Variants in KIF13B observed in about 807,000 individuals in gnomAD.
The protein encoded by KIF13B is kinesin-like protein KIF13B.
In KIF13B, 127 loss-of-function variants were observed where a neutral mutation model predicts 222.0. That is an observed-to-expected ratio of 0.57 (90% CI 0.50 to 0.66). The LOEUF (loss-of-function observed/expected upper bound fraction) is 0.66, where lower values mean the gene tolerates loss of function less well. Ranked by LOEUF, KIF13B falls within the 30% of genes least tolerant of loss-of-function variation. KIF13B has a pLI of 0.00. For synonymous variants in KIF13B, 976 were observed against 919.0 expected, an observed-to-expected ratio of 1.06 and a Z score of -1.12; for missense variants, 2,173 against 2,379.0, an observed-to-expected ratio of 0.91 and a Z score of 1.80.
In KIF13B at chr8:29,117,017, A is replaced by C. The variant is rs781506974; in HGVS notation, c.3661-10T>G. On this transcript the variant is annotated splice_polypyrimidine_tract_variant and intron_variant, in intron 30 of 39. Coordinates refer to ENST00000524189, the MANE Select transcript of KIF13B (RefSeq NM_015254.4). ...AGGCTTCTGCTTTCACCTGGAGAGAAGACAGAGAGGAAACAGGTTTCTCTC... is the reference window on the plus strand; with the variant it reads ...AGGCTTCTGCTTTCACCTGGAGAGACGACAGAGAGGAAACAGGTTTCTCTC... The C allele has an allele frequency of 2.6e-6, 4 of 1,548,414 alleles. No homozygotes were observed. The highest frequency in any genetic ancestry group is 3.5e-6 in the Non-Finnish European group (4 of 1,141,286).
intron 1 of KIF13B, among the ~76,000 whole-genome samples, chr8:29,261,721 G>A (rs775941820): frequency 1.3e-5 from 2 of 152,154 alleles, no homozygotes; most frequent in Non-Finnish European, 2.9e-5. Context: ...AGAACTTAAA[G>A]TAATTAAGTT....
Position 29,098,848 on chromosome 8 carries a change from T to C in KIF13B, c.4324+285A>G, listed in dbSNP as rs557715691. Among the ~76,000 whole-genome samples, 68 of 152,032 alleles carry C rather than the reference T, an allele frequency of 4.5e-4. 2 individuals carry two copies. The highest frequency in any genetic ancestry group is 1.4e-3 in the African/African-American group (60 of 41,440). On this transcript the variant is annotated intron_variant, in intron 36 of 39. Coordinates refer to ENST00000524189, the MANE Select transcript of KIF13B (RefSeq NM_015254.4). ...AGATGAGAAGATAAAACATTACAGATATTTACTATAGAGCACATACACAAA... is the reference window on the plus strand; with the variant it reads ...AGATGAGAAGATAAAACATTACAGACATTTACTATAGAGCACATACACAAA...
chr8:29,161,094 A>G lies in KIF13B; in HGVS notation c.1270-227T>C, dbSNP rs117575183. 5.7e-3 allele frequency among the ~76,000 whole-genome samples: 871 copies of G among 152,268 alleles called. 9 individuals carry two copies. The highest frequency in any genetic ancestry group is 0.01 in the Middle Eastern group (3 of 294). ...ATAAAGTCTATTACATATAGTAACT[A>G]ATTGTACTAGTGATTCTCAGTTTTC... On this transcript the variant is annotated intron_variant, in intron 12 of 39. Transcript: ENST00000524189.
intron 30 of KIF13B, 102 bp from the exon 31 acceptor site, chr8:29,117,109 G>T: frequency 9.9e-7 from 1 of 1,015,144 alleles, no homozygotes; most frequent in Non-Finnish European, 1.4e-6. Flanking sequence ...GCACATGCCA[G>T]TCACCAGCAA....
chr8:29,208,722 T>C (rs977480943), intron 2 of KIF13B, among the ~76,000 whole-genome samples: 1 of 152,154 alleles, frequency 6.6e-6, no homozygotes, highest in East Asian at 1.9e-4. Context: ...GGGACCTTGG[T>C]CAGTGACTCT....
intron 2 of KIF13B, among the ~76,000 whole-genome samples, chr8:29,208,458 G>C (rs140593093): frequency 1.2e-3 from 190 of 152,298 alleles, no homozygotes; most frequent in Non-Finnish European, 1.9e-3. Context: ...GTGGGTCTGT[G>C]AATCCATGCT....
intron 1 of KIF13B, among the ~76,000 whole-genome samples, chr8:29,262,146 A>G (rs1425307141): frequency 6.6e-6 from 1 of 152,134 alleles, no homozygotes; most frequent in Non-Finnish European, 1.5e-5. Flanking sequence ...TGCTTTGACT[A>G]TCAAAGCCAA....
chr8:29,226,364 A>AC (rs1422254017), intron 2 of KIF13B, among the ~76,000 whole-genome samples: 1 of 152,210 alleles, frequency 6.6e-6, no homozygotes, highest in Non-Finnish European at 1.5e-5. Flanking sequence ...CTAACTCACC[A>AC]CCTGCATTAA....
At chr8:29,155,654 C>A in intron 14 of KIF13B, 72 bp downstream of exon 14, 1 of 1,344,708 alleles carries the variant, frequency 7.4e-7, no homozygotes, top group East Asian at 2.4e-5. Flanking sequence ...CAACAAAGGC[C>A]ACTGTTGCCA....
intron 2 of KIF13B, among the ~76,000 whole-genome samples, chr8:29,241,214 AT>A (rs1815763504): frequency 6.6e-6 from 1 of 152,226 alleles, no homozygotes; most frequent in African/African-American, 2.4e-5. Context: ...GTATGATTTC[AT>A]TTATAGGAAA....
In KIF13B at chr8:29,130,631, C is replaced by G; in HGVS notation, c.2977G>C (p.Val993Leu). Reference protein sequence around the residue: ...SEVTRKLEFWVQILEQNENGE... With the variant: ...SEVTRKLEFWLQILEQNENGE... ...TTCTCATTCTGTTCCAAGATTTGAA[C>G]CCAGAATTCCAATTTCCTGGTCACT... The change falls in exon 24 of 40, where the codon GTT (valine) becomes CTT (leucine). Residue 993 changes from valine to leucine, a missense_variant. Around this residue, in one of 2 missense-constraint regions of KIF13B, gnomAD observed 1,480 missense variants for 1,722.8 expected, o/e 0.86. Coordinates refer to ENST00000524189, the MANE Select transcript of KIF13B (RefSeq NM_015254.4). 6.2e-7 allele frequency: 1 copy of G among 1,613,744 alleles called. No individual in the cohort carries two copies. Among genetic ancestry groups the G allele is most frequent in the East Asian group, 2.2e-5 (1 of 44,868 alleles).
At chr8:29,126,332 A>C (rs1250272041) in intron 26 of KIF13B, 150 bp downstream of exon 26, 12 of 604,500 alleles carry the variant, frequency 2.0e-5, no homozygotes, top group Non-Finnish European at 3.6e-5. Flanking sequence ...AACAACACTC[A>C]ATGTTCCCTA....
At chr8:29,238,202 C>G (rs1036016436) in intron 2 of KIF13B, among the ~76,000 whole-genome samples, 1 of 152,198 alleles carries the variant, frequency 6.6e-6, no homozygotes, top group African/African-American at 2.4e-5. Context: ...AAGTCATTAT[C>G]TAATATGACC....
At chr8:29,154,898 A>C (rs1408376776) in intron 14 of KIF13B, among the ~76,000 whole-genome samples, 2 of 152,216 alleles carry the variant, frequency 1.3e-5, no homozygotes, top group Non-Finnish European at 2.9e-5. Context: ...TATGGATAAA[A>C]TCAGTGATAT....
intron 28 of KIF13B, among the ~76,000 whole-genome samples, 194 bp downstream of exon 28, chr8:29,123,172 C>T (rs1369666784): frequency 2.0e-5 from 3 of 152,174 alleles, no homozygotes; most frequent in African/African-American, 7.2e-5. Flanking sequence ...CCAATAACAA[C>T]ATTATTTAAT....
At chr8:29,174,882 A>T (rs991079036) in intron 10 of KIF13B, among the ~76,000 whole-genome samples, 2 of 152,304 alleles carry the variant, frequency 1.3e-5, no homozygotes, top group Non-Finnish European at 2.9e-5. Flanking sequence ...AACTCTTGAG[A>T]GGAGGAGGAA....
chr8:29,190,864 A>G, intron 4 of KIF13B, 133 bp downstream of exon 4: 1 of 779,804 alleles, frequency 1.3e-6, no homozygotes, highest in South Asian at 1.4e-5. Context: ...TTCTGTGTTG[A>G]TGACTGTTAT....
At chr8:29,262,955 C>T (rs1363623227) in intron 1 of KIF13B, 25 bp downstream of exon 1, 2 of 1,551,282 alleles carry the variant, frequency 1.3e-6, no homozygotes, top group Middle Eastern at 1.7e-4. Context: ...TCCGCCCCGG[C>T]GGCCCAGGAG....
intron 19 of KIF13B, among the ~76,000 whole-genome samples, chr8:29,140,956 A>AAAAAAAG: frequency 6.6e-6 from 1 of 152,324 alleles, no homozygotes; most frequent in East Asian, 1.9e-4. Flanking sequence ...AAAGAAGTAG[A>AAAAAAAG]GTGTGCTAAA....
Sources: allele counts gnomAD v4.1 joint callset (sites outside exome capture counted in the v4.1 genomes callset), GRCh38; gene constraint gnomAD v4.1.1; regional missense constraint gnomAD v4.1.1; transcripts MANE v1.5; gene names NCBI Gene and HGNC (gene_info 2026-07-23, HGNC 2026-07-21).